The following TSC22D1 variants were observed in gnomAD, a reference collection of about 807,000 sequenced individuals.
TSC22D1 encodes the protein TSC22 domain family protein 1.
Under a neutral mutation model 74.2 loss-of-function variants are expected in TSC22D1, and 9 were observed. The observed-to-expected ratio is 0.12, with a 90% CI of 0.07 to 0.21. The LOEUF (loss-of-function observed/expected upper bound fraction) is 0.21. TSC22D1 is among the 10% of genes least tolerant of loss of function. The probability of loss-of-function intolerance (pLI) is 1.00; values close to 1 mark genes in which losing one functional copy is unlikely to be tolerated. For synonymous variants in TSC22D1, 586 were observed against 492.5 expected, an observed-to-expected ratio of 1.19 and a Z score of -2.51; for missense variants, 1,427 against 1,304.7, an observed-to-expected ratio of 1.09 and a Z score of -1.44.
intron 1 of TSC22D1, among the ~76,000 whole-genome samples, chr13:44,525,574 G>C (rs1391179217): frequency 1.3e-5 from 2 of 152,106 alleles, no homozygotes; most frequent in Non-Finnish European, 2.9e-5. Context: ...GGGTAACACA[G>C]CAAGACCCTG....
At chr13:44,443,271 C>T (rs1875356539) in intron 1 of TSC22D1, among the ~76,000 whole-genome samples, 1 of 151,400 alleles carries the variant, frequency 6.6e-6, no homozygotes, top group Non-Finnish European at 1.5e-5. Flanking sequence ...GGAAACAATG[C>T]TAGCCAGAAG....
chr13:44,461,729 A>G (rs912621024), intron 1 of TSC22D1, among the ~76,000 whole-genome samples: 9 of 152,120 alleles, frequency 5.9e-5, no homozygotes, highest in African/African-American at 1.9e-4. Flanking sequence ...GAGATCTTCT[A>G]ATCCCCCAAA....
chr13:44,507,853 C>T (rs1879509192), intron 1 of TSC22D1, among the ~76,000 whole-genome samples: 1 of 152,160 alleles, frequency 6.6e-6, no homozygotes. Context: ...ATGATAAATG[C>T]CTACCACAGG....
intron 1 of TSC22D1, among the ~76,000 whole-genome samples, chr13:44,569,227 C>T (rs1414766659): frequency 1.3e-5 from 2 of 151,824 alleles, no homozygotes; most frequent in Non-Finnish European, 2.9e-5. Flanking sequence ...GATAAATAGC[C>T]CGATGTTACA....
chr13:44,531,827 A>G (rs2138065953), intron 1 of TSC22D1, among the ~76,000 whole-genome samples: 1 of 152,348 alleles, frequency 6.6e-6, no homozygotes, highest in Non-Finnish European at 1.5e-5. Flanking sequence ...ACTGTATTTC[A>G]ATATGCAACA....
intron 1 of TSC22D1, among the ~76,000 whole-genome samples, chr13:44,506,716 T>C (rs576243741): frequency 6.6e-6 from 1 of 152,318 alleles, no homozygotes; most frequent in East Asian, 1.9e-4. Context: ...TAAAGATTTC[T>C]GAGCTGGGTA....
At chr13:44,548,367 C>T (rs1430405894) in intron 1 of TSC22D1, among the ~76,000 whole-genome samples, 4 of 152,110 alleles carry the variant, frequency 2.6e-5, no homozygotes, top group East Asian at 1.9e-4. Flanking sequence ...AATAGAGACA[C>T]GTCACTGCAC....
Position 44,573,352 on chromosome 13 carries a change from C to T in TSC22D1, c.2723G>A (p.Ser908Asn). 1.2e-6 allele frequency: 2 copies of T among 1,614,258 alleles called. No homozygotes were observed. The highest frequency in any genetic ancestry group is 1.1e-5 in the South Asian group (1 of 91,088). The change falls in exon 1 of 3, where the codon AGC (serine) becomes AAC (asparagine). Residue 908 changes from serine to asparagine, a missense_variant. By Grantham distance (46) the Ser-to-Asn change is conservative. This residue lies in a region of TSC22D1 where 1,343 missense variants were observed against 1,191.5 expected (regional missense o/e 1.13). Coordinates refer to ENST00000458659, the MANE Select transcript of TSC22D1 (RefSeq NM_183422.4). ...TGCACGCCTGGCATCTTCAATTTGG[C>T]TTCCAATTGCCTGAGCTAATGATTG... The part of the protein sequence containing the change: ...SAQSLAQAIG[S>N]QIEDARRAAE...
chr13:44,433,623 T>TTAA lies in TSC22D1; in HGVS notation c.*1002_*1003insTTA. On this transcript the variant is annotated 3_prime_UTR_variant, in exon 3 of 3. Transcript: ENST00000458659. The stretch of plus-strand genomic sequence containing the variant: ...GAGAACATGCACAGAAACATATGCA[T>TTAA]ATAACTACTATACAGGTGATATGCA... 1 of 213,122 alleles carries TTAA rather than the reference T, an allele frequency of 4.7e-6. No individual in the cohort carries two copies. The highest frequency in any genetic ancestry group is 1.1e-4 in the South Asian group (1 of 9,182). 13.2% of individuals were successfully genotyped at this position (213,122 alleles called of 1,614,324 possible).
At chr13:44,452,324 C>T (rs925261015) in intron 1 of TSC22D1, among the ~76,000 whole-genome samples, 1 of 152,190 alleles carries the variant, frequency 6.6e-6, no homozygotes, top group Non-Finnish European at 1.5e-5. Flanking sequence ...ATCTTTACTA[C>T]TCTGAGGCGG....
At chr13:44,445,625 T>C (rs1595082189) in intron 1 of TSC22D1, among the ~76,000 whole-genome samples, 1 of 152,080 alleles carries the variant, frequency 6.6e-6, no homozygotes, top group Non-Finnish European at 1.5e-5. Context: ...AAGTCACATA[T>C]CTGATAAAGG....
At chr13:44,462,751 T>C (rs1436441308) in intron 1 of TSC22D1, among the ~76,000 whole-genome samples, 4 of 152,058 alleles carry the variant, frequency 2.6e-5, no homozygotes, top group Non-Finnish European at 5.9e-5. Flanking sequence ...AATAAGATAA[T>C]ATAAAAATTC....
In TSC22D1 at chr13:44,574,922, C is replaced by G; in HGVS notation, c.1153G>C (p.Ala385Pro). ...SAAVSSVPNAAAGMTGGSVSS... is the reference protein window; with the variant it reads ...SAAVSSVPNAPAGMTGGSVSS... Reference sequence around the variant, plus strand: ...ACCGATCCCCCAGTCATCCCTGCAGCTGCATTAGGAACACTGCTAACAGCA... The same window carrying G: ...ACCGATCCCCCAGTCATCCCTGCAGGTGCATTAGGAACACTGCTAACAGCA... The change falls in exon 1 of 3, where the codon GCT becomes CCT. Residue 385 changes from alanine to proline, a missense_variant. Physicochemically the swap from Ala to Pro is conservative, Grantham distance 27 (BLOSUM62 -1). Coordinates refer to ENST00000458659, the MANE Select transcript of TSC22D1 (RefSeq NM_183422.4). 1 of 1,614,110 alleles carries G rather than the reference C, an allele frequency of 6.2e-7. No individual in the cohort carries two copies. Among genetic ancestry groups the G allele is most frequent in the Non-Finnish European group, 8.5e-7 (1 of 1,180,018 alleles).
intron 1 of TSC22D1, among the ~76,000 whole-genome samples, chr13:44,564,524 G>A (rs1435344890): frequency 5.9e-5 from 9 of 152,176 alleles, no homozygotes; most frequent in Non-Finnish European, 1.3e-4. Flanking sequence ...ATAACAGCAT[G>A]TGCAAAGGCC....
intron 1 of TSC22D1, among the ~76,000 whole-genome samples, chr13:44,565,505 TAA>T (rs36110045): frequency 6.6e-6 from 1 of 152,268 alleles, no homozygotes; most frequent in Admixed American, 6.5e-5. Context: ...ACCTAGAATC[TAA>T]AAAGTTGTTA....
rs1389099430 is a variant in TSC22D1, at chr13:44,537,994, T to C, written c.2912+35169A>G. 8.1e-6 allele frequency: 8 copies of C among 985,206 alleles called. No homozygotes were observed. In the Admixed American group the frequency reaches 1.8e-4, roughly 23 times the overall value. The allele number at this position is 985,206 out of a possible 1,614,324, so 61.0% of individuals were successfully genotyped here. ...TCTTTAATAGCTTTTGACTGACCAG[T>C]TAATAGATACCAAAGAAAGAAACAG... On this transcript the variant is annotated intron_variant, in intron 1 of 2. Transcript: ENST00000458659.
intron 1 of TSC22D1, among the ~76,000 whole-genome samples, chr13:44,444,025 G>A (rs1212261730): frequency 1.3e-5 from 2 of 151,908 alleles, no homozygotes; most frequent in African/African-American, 4.8e-5. Flanking sequence ...GGTGGCTCAC[G>A]CCTGTAATCC....
At chr13:44,454,412 G>A (rs940581307) in intron 1 of TSC22D1, among the ~76,000 whole-genome samples, 1 of 151,852 alleles carries the variant, frequency 6.6e-6, no homozygotes, top group South Asian at 2.1e-4. Flanking sequence ...GAAGTATAAC[G>A]GTAGAACAAA....
At position 44,434,783 on chromosome 13, in the gene TSC22D1, T is replaced by C. The variant is rs1874396023; in HGVS notation, c.3065A>G (p.Gln1022Arg). Residue 1022 changes from glutamine to arginine, a missense_variant, in exon 3 of 3, where the codon CAG becomes CGG. Gln to Arg is a conservative substitution (Grantham distance 43). This residue lies in a region of TSC22D1 where 21 missense variants were observed against 62.7 expected (regional missense o/e 0.34). Transcript: ENST00000458659. ...ELIEKNSQLEQENNLLKTLAS... is the reference protein window; with the variant it reads ...ELIEKNSQLERENNLLKTLAS... ...CAGTGTCTTCAGCAGATTGTTCTCC[T>C]GCTCCAGCTGGGAATTTTTCTCTAT... is the stretch of plus-strand genomic sequence containing the variant. 4 of 1,614,012 alleles carry C rather than the reference T, an allele frequency of 2.5e-6. No homozygotes were observed. The highest frequency in any genetic ancestry group is 3.3e-5 in the Admixed American group (2 of 60,014).
Sources: allele counts gnomAD v4.1 joint callset (sites outside exome capture counted in the v4.1 genomes callset), GRCh38; gene constraint gnomAD v4.1.1; regional missense constraint gnomAD v4.1.1; transcripts MANE v1.5; gene names NCBI Gene and HGNC (gene_info 2026-07-23, HGNC 2026-07-21).